The following PARVB variants were observed in gnomAD, a reference collection of about 807,000 sequenced individuals.
PARVB encodes beta-parvin.
Under a neutral mutation model 47.0 loss-of-function variants are expected in PARVB, and 46 were observed. That is an observed-to-expected ratio of 0.98 (90% CI 0.77 to 1.25). PARVB has a LOEUF of 1.25. Ranked by LOEUF, PARVB falls within the 50% of genes most tolerant of loss-of-function variation. The pLI is 0.00. For synonymous variants in PARVB, 196 were observed against 196.3 expected (o/e 1.00, Z 0.01); for missense variants, 473 against 471.6 (o/e 1.00, Z -0.03).
At chr22:44,048,910 G>C (rs1036217202) in intron 1 of PARVB, among the ~76,000 whole-genome samples, 1 of 152,092 alleles carries the variant, frequency 6.6e-6, no homozygotes, top group Non-Finnish European at 1.5e-5. Context: ...GGCTAGTCTC[G>C]AGCTACTGAT....
At chr22:44,126,404 G>A (rs2053186495) in intron 4 of PARVB, among the ~76,000 whole-genome samples, 1 of 152,198 alleles carries the variant, frequency 6.6e-6, no homozygotes, top group African/African-American at 2.4e-5. Flanking sequence ...TATCAGTACA[G>A]TCACACCCAG....
intron 1 of PARVB, chr22:44,069,125 G>A (rs1286040146): frequency 1.2e-6 from 2 of 1,612,512 alleles, no homozygotes; most frequent in Non-Finnish European, 1.7e-6. Context: ...CGGCTGTGCT[G>A]GTCTGCAGAG....
chr22:44,012,790 G>A (rs981973127), intron 2 of PARVB, among the ~76,000 whole-genome samples: 6 of 152,092 alleles, frequency 3.9e-5, no homozygotes, highest in Admixed American at 3.9e-4. Context: ...CTCCCAAAGA[G>A]CTACAGGCGG....
chr22:44,040,464 G>C (rs774127322), intron 1 of PARVB, among the ~76,000 whole-genome samples: 6 of 152,126 alleles, frequency 3.9e-5, no homozygotes, highest in Non-Finnish European at 8.8e-5. Context: ...ATTTGGGTGG[G>C]CCCAGCGTGA....
At chr22:44,000,955 A>T (rs1393960278) in intron 2 of PARVB, among the ~76,000 whole-genome samples, 3 of 152,274 alleles carry the variant, frequency 2.0e-5, no homozygotes, top group Non-Finnish European at 4.4e-5. Context: ...TGCAAAACAG[A>T]AGATCACATT....
At chr22:44,038,645 G>A (rs1297574203) in intron 1 of PARVB, among the ~76,000 whole-genome samples, 1 of 152,136 alleles carries the variant, frequency 6.6e-6, no homozygotes, top group African/African-American at 2.4e-5. Context: ...AGCTGGGCGT[G>A]ATGGTGTACG....
chr22:44,146,182 A>T (rs1247770582), intron 8 of PARVB: 1 of 109,218 alleles, frequency 9.2e-6, no homozygotes, highest in Non-Finnish European at 2.0e-5. Flanking sequence ...CTCACACCGC[A>T]CACACGCACA....
At position 44,100,099 on chromosome 22, in the gene PARVB, C is replaced by A; in HGVS notation, c.249C>A (p.Asp83Glu). The change falls in exon 3 of 13, where the codon GAC becomes GAA. Residue 83 changes from aspartate to glutamate, a missense_variant. Physicochemically the swap from Asp to Glu is conservative, Grantham distance 45. Transcript: ENST00000338758. ...RTMIDPTSKE[D>E]PKFKELVKVL... ...TGATTGACCCCACTTCCAAGGAAGA[C>A]CCCAAGTTCAAGGAACTGGTCAAGG... The A allele has an allele frequency of 6.2e-7, 1 of 1,613,916 alleles. No homozygotes were observed. Among genetic ancestry groups the A allele is most frequent in the African/African-American group, 1.3e-5 (1 of 75,026 alleles).
intron 11 of PARVB, among the ~76,000 whole-genome samples, chr22:44,158,691 G>A (rs777115268): frequency 6.6e-6 from 1 of 152,174 alleles, no homozygotes; most frequent in Non-Finnish European, 1.5e-5. Flanking sequence ...CGCTGTCACT[G>A]CCCTCGTGCG....
At chr22:44,094,268 A>G (rs960486988) in intron 2 of PARVB, among the ~76,000 whole-genome samples, 3 of 152,196 alleles carry the variant, frequency 2.0e-5, no homozygotes, top group African/African-American at 7.2e-5. Context: ...AAGCAAACAG[A>G]TTGGGAGAAG....
intron 2 of PARVB, 141 bp from the exon 3 acceptor site, chr22:44,099,912 G>T: frequency 1.5e-6 from 1 of 673,314 alleles, no homozygotes. Context: ...CCTTCCAGAA[G>T]GCGGTTCCTT....
intron 11 of PARVB, among the ~76,000 whole-genome samples, chr22:44,161,376 C>T (rs139000041): frequency 5.3e-5 from 8 of 150,172 alleles, no homozygotes; most frequent in African/African-American, 1.2e-4. Flanking sequence ...TGCAGTGGCA[C>T]GATCTCGGCT....
exon 2 of PARVB, chr22:43,999,571 T>C (rs1007863): frequency 0.41 from 666,637 of 1,611,162 alleles, 141,104 homozygotes; most frequent in African/African-American, 0.63. Context: ...TTCCTGCAGC[T>C]GGGGCCTGTG....
At chr22:44,093,852 T>C in intron 1 of PARVB, 76 bp from the exon 2 acceptor site, 1 of 829,348 alleles carries the variant, frequency 1.2e-6, no homozygotes, top group Non-Finnish European at 2.0e-6. Context: ...GATTTCTCTC[T>C]GCGTCCACAG....
chr22:44,139,894 G>C (rs2053516290), intron 7 of PARVB: 2 of 564,068 alleles, frequency 3.5e-6, no homozygotes, highest in African/African-American at 1.9e-5. Context: ...ATGGTGATTT[G>C]CTGCTGACCT....
intron 6 of PARVB, 23 bp downstream of exon 6, chr22:44,133,032 C>T (rs2053364371): frequency 1.3e-6 from 2 of 1,548,438 alleles, no homozygotes; most frequent in African/African-American, 2.7e-5. Context: ...GAGTGGTCGG[C>T]CTGCCTGTAA....
intron 1 of PARVB, among the ~76,000 whole-genome samples, chr22:44,037,239 A>G (rs1481014280): frequency 1.3e-5 from 2 of 152,022 alleles, no homozygotes; most frequent in Non-Finnish European, 2.9e-5. Flanking sequence ...CCTGGCCAAC[A>G]TGGTGAAACC....
At chr22:44,007,522 G>A (rs747655990) in intron 2 of PARVB, among the ~76,000 whole-genome samples, 3 of 152,110 alleles carry the variant, frequency 2.0e-5, no homozygotes, top group Non-Finnish European at 4.4e-5. Flanking sequence ...GCTCCTCAGC[G>A]GGAAGTCTCC....
chr22:44,093,735 G>A (rs1238016584), intron 1 of PARVB, among the ~76,000 whole-genome samples, 193 bp from the exon 2 acceptor site: 2 of 152,194 alleles, frequency 1.3e-5, no homozygotes, highest in Admixed American at 1.3e-4. Context: ...TTGGGGTGGG[G>A]AGGAACTGCA....
Sources: allele counts gnomAD v4.1 joint callset (sites outside exome capture counted in the v4.1 genomes callset), GRCh38; gene constraint gnomAD v4.1.1; transcripts MANE v1.5; gene names NCBI Gene and HGNC (gene_info 2026-07-23, HGNC 2026-07-21).